ARHGAP19: variants seen among roughly 807,000 people sequenced by gnomAD.
ARHGAP19 encodes the protein rho GTPase-activating protein 19.
In ARHGAP19, 48 loss-of-function variants were observed where a neutral mutation model predicts 60.9. The observed-to-expected ratio is 0.79, with a 90% confidence interval of 0.62 to 1.00. The LOEUF is 1.00. ARHGAP19 is among the 50% of genes least tolerant of loss of function. ARHGAP19 has a pLI of 0.00. For missense variants in ARHGAP19, 562 were observed against 597.2 expected (o/e 0.94, Z 0.61); for synonymous variants, 209 against 215.5 (o/e 0.97, Z 0.27).
intron 1 of ARHGAP19, among the ~76,000 whole-genome samples, chr10:97,287,648 T>C (rs1026399084): frequency 6.6e-6 from 1 of 151,594 alleles, no homozygotes; most frequent in African/African-American, 2.4e-5. Flanking sequence ...GAGGCTAAGG[T>C]GGAAGGATTG....
At chr10:97,280,487 G>C (rs1235448037) in intron 1 of ARHGAP19, among the ~76,000 whole-genome samples, 2 of 152,140 alleles carry the variant, frequency 1.3e-5, no homozygotes, top group South Asian at 2.1e-4. Flanking sequence ...TCTATAGGAT[G>C]CTTCACTGAT....
At position 97,229,813 on chromosome 10, in the gene ARHGAP19, G is replaced by C. The variant is rs757672452; in HGVS notation, c.1346C>G (p.Ser449Cys). 1.1e-5 allele frequency: 17 copies of C among 1,613,238 alleles called. No homozygotes were observed. Among genetic ancestry groups the C allele is most frequent in the Non-Finnish European group, 8.5e-7 (1 of 1,179,688 alleles). ...EKKKKNPTPESVAIGELKGTS... is the reference protein window; with the variant it reads ...EKKKKNPTPECVAIGELKGTS... ...TCCCTTCAATTCACCAATGGCCACA[G>C]ATTCTGGAGTAGGGTTCTTCTTTTT... Residue 449 changes from serine (S) to cysteine (C), a missense_variant, in exon 10 of 12, where the codon TCT becomes TGT. Transcript: ENST00000358531.
chr10:97,239,366 C>T (rs1045506673), intron 8 of ARHGAP19, among the ~76,000 whole-genome samples: 13 of 151,956 alleles, frequency 8.6e-5, no homozygotes, highest in African/African-American at 1.9e-4. Context: ...CATGGTGGCA[C>T]GCGCCTGTAG....
In ARHGAP19 at chr10:97,229,241, T is replaced by C. The variant is rs1456824690; in HGVS notation, c.1396-16A>G. The stretch of plus-strand genomic sequence containing the variant: ...CAGAAAATAACTGTAATAAGAAAAT[T>C]GTACAGTGGTTTCAATGTTCTAATG... On this transcript the variant is annotated splice_polypyrimidine_tract_variant and intron_variant, in intron 10 of 11. Transcript: ENST00000358531. 2 of 1,597,820 alleles carry C rather than the reference T, an allele frequency of 1.3e-6. No homozygotes were observed. Among genetic ancestry groups the C allele is most frequent in the African/African-American group, 2.7e-5 (2 of 74,614 alleles).
In ARHGAP19 at chr10:97,256,333, G is replaced by A. The variant is rs1842752290; in HGVS notation, c.912C>T (p.Ser304=). 1.9e-6 allele frequency: 3 copies of A among 1,613,742 alleles called. No homozygotes were observed. Among genetic ancestry groups the A allele is most frequent in the Non-Finnish European group, 2.5e-6 (3 of 1,179,756 alleles). Residue 304 remains serine (S), a synonymous_variant, in exon 6 of 12, where the codon TCC becomes TCT. Coordinates refer to ENST00000358531, the MANE Select transcript of ARHGAP19 (RefSeq NM_032900.6). ...CCTTACCTACCTTAAAAAGTTTCTG[G>A]GAGTGTTTAATCATAAAAGCCATCC... ...NSGMAFMIKH[S]QKLFKAPAYI...
At position 97,263,482 on chromosome 10, in the gene ARHGAP19, A is replaced by G; in HGVS notation, c.551T>C (p.Leu184Pro). Residue 184 changes from leucine to proline, a missense_variant, in exon 4 of 12, where the codon CTA (leucine) becomes CCA (proline). By Grantham distance (98) the Leu-to-Pro change is moderately conservative. Coordinates refer to ENST00000358531, the MANE Select transcript of ARHGAP19 (RefSeq NM_032900.6). ...CAGCAGAGGCTCCGGCAACTCTCCT[A>G]GAAACATCTTCAGCAAAGTGGCAAC... ...NDVATLLKMF[L>P]GELPEPLLTH... The G allele has an allele frequency of 6.2e-7, 1 of 1,614,130 alleles. No individual in the cohort carries two copies.
At chr10:97,260,152 G>A (rs1842810594) in intron 4 of ARHGAP19, among the ~76,000 whole-genome samples, 1 of 151,216 alleles carries the variant, frequency 6.6e-6, no homozygotes, top group African/African-American at 2.4e-5. Context: ...TTTTTAATGT[G>A]TACAGGATTT....
At position 97,225,640 on chromosome 10, in the gene ARHGAP19, C is replaced by T. The variant is rs1850882081; in HGVS notation, c.*482G>A. On this transcript the variant is annotated 3_prime_UTR_variant, in exon 12 of 12. Transcript: ENST00000358531. ...GCTTAGAGCCCAACCAAAAACATGG[C>T]TTTTAAAACAAAGAAATAAACAAAC... 6.5e-6 allele frequency: 1 copy of T among 152,732 alleles called. No individual in the cohort carries two copies. Among genetic ancestry groups the T allele is most frequent in the African/African-American group, 2.4e-5 (1 of 41,450 alleles). 9.5% of individuals were successfully genotyped at this position (152,732 alleles called of 1,614,324 possible). A position where few individuals can be genotyped will look rare whatever the true frequency, so the allele number is the denominator to read the frequency against.
rs544182130 is a variant in ARHGAP19 at position 97,223,597 on chromosome 10, A to T, written c.*2525T>A. On this transcript the variant is annotated 3_prime_UTR_variant, in exon 12 of 12. Coordinates refer to ENST00000358531, the MANE Select transcript of ARHGAP19 (RefSeq NM_032900.6). ...AAATGAAGTTGTAAAAGCCACAAGA[A>T]GAGGCACTTCCAGAGAGATTGTTCC... 1 of 152,358 alleles carries T rather than the reference A, an allele frequency of 6.6e-6. No homozygotes were observed. The highest frequency in any genetic ancestry group is 1.9e-4 in the East Asian group (1 of 5,186). 9.4% of individuals were successfully genotyped at this position (152,358 alleles called of 1,614,324 possible).
At chr10:97,250,290 T>C (rs1842624669) in intron 6 of ARHGAP19, among the ~76,000 whole-genome samples, 1 of 152,194 alleles carries the variant, frequency 6.6e-6, no homozygotes, top group Admixed American at 6.6e-5. Context: ...ATTCACTGTT[T>C]TACTCTTTTA....
At chr10:97,286,729 C>T (rs1843161077) in intron 1 of ARHGAP19, among the ~76,000 whole-genome samples, 1 of 152,220 alleles carries the variant, frequency 6.6e-6, no homozygotes. Context: ...AGGCATTCTA[C>T]TGTCTGTTCC....
intron 3 of ARHGAP19, among the ~76,000 whole-genome samples, chr10:97,264,498 G>A (rs1194363674): frequency 6.6e-6 from 1 of 151,652 alleles, no homozygotes; most frequent in Admixed American, 6.6e-5. Context: ...ATAGAATTCT[G>A]GAGAAAAAAG....
chr10:97,282,839 CTT>C lies in ARHGAP19; in HGVS notation c.56+9731_56+9732del, dbSNP rs56387291. Among the ~76,000 whole-genome samples the C allele has an allele frequency of 4.3e-3, 395 of 91,006 alleles. 1 individual carries two copies. The highest frequency in any genetic ancestry group is 0.011 in the East Asian group (34 of 3,156). The allele number at this position is 91,006 out of a possible 152,430, so 59.7% of individuals were successfully genotyped here. On this transcript the variant is annotated intron_variant, in intron 1 of 11. Coordinates refer to ENST00000358531, the MANE Select transcript of ARHGAP19 (RefSeq NM_032900.6). ...TAAAGTACTATGTAGTTTCTTTTTTCTTTTTTTTTTTTTTTTTTTTGAGACAG... is the reference window on the plus strand; with the variant it reads ...TAAAGTACTATGTAGTTTCTTTTTTCTTTTTTTTTTTTTTTTTTGAGACAG...
chr10:97,248,062 T>A (rs933108972), intron 6 of ARHGAP19, among the ~76,000 whole-genome samples: 1 of 150,128 alleles, frequency 6.7e-6, no homozygotes, highest in African/African-American at 2.4e-5. Context: ...GCCTCCCAGG[T>A]TCAAGTGATT....
rs1438116094 is a variant in ARHGAP19, at chr10:97,229,766, A to G, written c.1393T>C (p.Leu465=). 2 of 1,585,124 alleles carry G rather than the reference A, an allele frequency of 1.3e-6. No individual in the cohort carries two copies. Among genetic ancestry groups the G allele is most frequent in the Non-Finnish European group, 8.7e-7 (1 of 1,155,584 alleles). The change falls in exon 10 of 12, where the codon TTA becomes CTA. Residue 465 remains leucine, a splice_region_variant and synonymous_variant. Transcript: ENST00000358531. The part of the protein sequence containing the change: ...LKGTSKENRN[L]LFSGSPAVTM... ...CAGTCCAAAGAACAGTGTCTTACTAAGTTCCTATTTTCTTTGCTGGTTCCC... is the reference window on the plus strand; with the variant it reads ...CAGTCCAAAGAACAGTGTCTTACTAGGTTCCTATTTTCTTTGCTGGTTCCC...
intron 7 of ARHGAP19, among the ~76,000 whole-genome samples, chr10:97,245,803 C>G (rs1475337069): frequency 6.6e-6 from 1 of 152,108 alleles, no homozygotes; most frequent in Non-Finnish European, 1.5e-5. Flanking sequence ...TTGCTATTCA[C>G]AGATTATTTC....
intron 8 of ARHGAP19, among the ~76,000 whole-genome samples, chr10:97,237,599 G>A (rs1047045544): frequency 2.0e-5 from 3 of 152,126 alleles, no homozygotes; most frequent in African/African-American, 7.2e-5. Flanking sequence ...GGCTAGATGT[G>A]GCAGCTCACA....
chr10:97,261,024 AGAAAAATGAGAAT>A (rs200376559), intron 4 of ARHGAP19, among the ~76,000 whole-genome samples: 3 of 151,974 alleles, frequency 2.0e-5, no homozygotes, highest in Non-Finnish European at 2.9e-5. Flanking sequence ...TACAGCTAAA[AGAAAAATGAGAAT>A]GAAAAATGAG....
At chr10:97,261,649 C>G (rs772621044) in intron 4 of ARHGAP19, among the ~76,000 whole-genome samples, 6 of 151,252 alleles carry the variant, frequency 4.0e-5, no homozygotes, top group Non-Finnish European at 8.8e-5. Flanking sequence ...AAAAAAAAAA[C>G]TAATCGTATT....
Sources: allele counts gnomAD v4.1 joint callset (sites outside exome capture counted in the v4.1 genomes callset), GRCh38; gene constraint gnomAD v4.1.1; transcripts MANE v1.5; gene names NCBI Gene and HGNC (gene_info 2026-07-23, HGNC 2026-07-21).